Variants in SCGB2B2 observed in about 807,000 individuals in gnomAD.
The protein encoded by SCGB2B2 is secretoglobin-like protein.
Under a neutral mutation model 7.6 loss-of-function variants are expected in SCGB2B2, and 11 were observed. The observed-to-expected ratio is 1.45, with a 90% CI of 0.91 to 2.40. SCGB2B2 has a LOEUF of 2.40. SCGB2B2 is among the 30% of genes most tolerant of loss of function. SCGB2B2 has a pLI of 0.00. For synonymous variants in SCGB2B2, 50 were observed against 48.6 expected (o/e 1.03, Z -0.12); for missense variants, 104 against 115.4 (o/e 0.90, Z 0.45).
At chr19:34,588,496 A>G (rs1191126470), downstream of SCGB2B2, among the ~76,000 whole-genome samples, 11 of 152,138 alleles carry the variant, frequency 7.2e-5, no homozygotes, top group Non-Finnish European at 1.2e-4. Context: ...AATGCTTCTT[A>G]TTGCTATTGA....
At chr19:34,598,487 T>C (rs767197084) in intron 1 of SCGB2B2, among the ~76,000 whole-genome samples, 4 of 151,176 alleles carry the variant, frequency 2.6e-5, no homozygotes, top group Non-Finnish European at 4.4e-5. Context: ...CCCCAGTTGT[T>C]TGAGGAACTT....
chr19:34,600,347 T>G (rs2065589086), intron 1 of SCGB2B2, among the ~76,000 whole-genome samples: 3 of 152,222 alleles, frequency 2.0e-5, no homozygotes, highest in Non-Finnish European at 4.4e-5. Flanking sequence ...AACAACACTG[T>G]AGGGAGCTTT....
intron 1 of SCGB2B2, among the ~76,000 whole-genome samples, chr19:34,597,055 T>C (rs1028227248): frequency 2.0e-5 from 3 of 151,154 alleles, no homozygotes; most frequent in African/African-American, 7.3e-5. Flanking sequence ...TCCCAGTGGC[T>C]GATCTGCATT....
intron 1 of SCGB2B2, among the ~76,000 whole-genome samples, chr19:34,606,047 ATTT>A (rs747523207): frequency 6.0e-5 from 9 of 150,170 alleles, no homozygotes; most frequent in East Asian, 3.9e-4. Context: ...AGTTACTAAA[ATTT>A]TTTTTTTATT....
At chr19:34,599,506 G>A (rs1172905188) in intron 1 of SCGB2B2, among the ~76,000 whole-genome samples, 1 of 152,210 alleles carries the variant, frequency 6.6e-6, no homozygotes, top group Non-Finnish European at 1.5e-5. Flanking sequence ...CAGAATGAGA[G>A]CCAAGCAAGA....
At chr19:34,605,742 C>T (rs1600041875) in intron 1 of SCGB2B2, among the ~76,000 whole-genome samples, 2 of 152,136 alleles carry the variant, frequency 1.3e-5, no homozygotes, top group African/African-American at 4.8e-5. Context: ...CATGCACCAC[C>T]ATGTCTGGCT....
chr19:34,637,760 G>T (rs771478851), intron 1 of SCGB2B2: 11 of 151,942 alleles, frequency 7.2e-5, no homozygotes, highest in African/African-American at 1.2e-4. Flanking sequence ...TGTTTGGTTT[G>T]TCAAACCCGT....
chr19:34,640,364 G>A (rs1308037496), intron 1 of SCGB2B2: 1 of 152,042 alleles, frequency 6.6e-6, no homozygotes, highest in Non-Finnish European at 1.5e-5. Flanking sequence ...TCTCATCTTG[G>A]CCTCCCAAAG....
At chr19:34,617,270 T>C (rs1416305358) in intron 1 of SCGB2B2, among the ~76,000 whole-genome samples, 4 of 148,132 alleles carry the variant, frequency 2.7e-5, no homozygotes, top group African/African-American at 1.0e-4. Flanking sequence ...GTAAATTACC[T>C]TGGGCAGTAT....
intron 1 of SCGB2B2, among the ~76,000 whole-genome samples, chr19:34,658,813 C>CAAAAAA (rs138363297): frequency 5.4e-4 from 55 of 101,874 alleles, no homozygotes; most frequent in African/African-American, 2.0e-3. Flanking sequence ...ACAACAACAA[C>CAAAAAA]AAAAAAAAAA....
intron 1 of SCGB2B2, among the ~76,000 whole-genome samples, chr19:34,633,600 G>A (rs953129278): frequency 6.6e-6 from 1 of 152,142 alleles, no homozygotes; most frequent in Non-Finnish European, 1.5e-5. Flanking sequence ...CAATGTTTGT[G>A]GCAATGGGGT....
intron 1 of SCGB2B2, among the ~76,000 whole-genome samples, chr19:34,606,010 G>GTCAA (rs2065765775): frequency 6.6e-6 from 1 of 151,106 alleles, no homozygotes; most frequent in South Asian, 2.1e-4. Context: ...GTTCTTCTGT[G>GTCAA]TCAATATATT....
In SCGB2B2 at chr19:34,595,142, G is replaced by A. The variant is rs1004130447; in HGVS notation, c.-579C>T. 6.8e-6 allele frequency: 1 copy of A among 146,156 alleles called. No individual in the cohort carries two copies. Among genetic ancestry groups the A allele is most frequent in the Non-Finnish European group, 1.4e-5 (1 of 69,350 alleles). The allele number at this position is 146,156 out of a possible 1,614,324, so 9.1% of individuals were successfully genotyped here. ...TGTAGCAAGTGTGTTAGGGACACAT[G>A]TGACACAGTGAAGGGATCCTACATG... On this transcript the variant is annotated 5_prime_UTR_variant, in exon 2 of 4. Coordinates refer to ENST00000601241, the MANE Select transcript of SCGB2B2 (RefSeq NM_001025591.4).
downstream of SCGB2B2, among the ~76,000 whole-genome samples, chr19:34,587,025 A>T (rs1224896570): frequency 6.6e-6 from 1 of 152,104 alleles, no homozygotes; most frequent in Non-Finnish European, 1.5e-5. Flanking sequence ...CTCCTGTCTC[A>T]GCCTCCCGAG....
chr19:34,612,452 A>G (rs1413059148), intron 1 of SCGB2B2, among the ~76,000 whole-genome samples: 3 of 152,214 alleles, frequency 2.0e-5, no homozygotes, highest in Non-Finnish European at 4.4e-5. Context: ...GGTAAATGGA[A>G]TATCTATCAC....
At chr19:34,644,781 T>G (rs1224599037) in intron 1 of SCGB2B2, among the ~76,000 whole-genome samples, 2 of 152,248 alleles carry the variant, frequency 1.3e-5, no homozygotes, top group Non-Finnish European at 2.9e-5. Context: ...TGACGGACAC[T>G]TAGGACATTT....
intron 1 of SCGB2B2, among the ~76,000 whole-genome samples, chr19:34,627,828 GCAC>G (rs1191520081): frequency 3.3e-5 from 5 of 152,300 alleles, no homozygotes; most frequent in South Asian, 2.1e-4. Context: ...ATTCTTCTCA[GCAC>G]CACATCGCAC....
At chr19:34,615,960 T>C (rs1047859798) in intron 1 of SCGB2B2, among the ~76,000 whole-genome samples, 8 of 151,734 alleles carry the variant, frequency 5.3e-5, no homozygotes, top group African/African-American at 1.7e-4. Context: ...GTTCTTGCAA[T>C]AGTTTACTGA....
intron 1 of SCGB2B2, among the ~76,000 whole-genome samples, chr19:34,625,475 C>T (rs1306389403): frequency 2.6e-5 from 4 of 152,212 alleles, no homozygotes; most frequent in African/African-American, 9.7e-5. Context: ...AGATTATATC[C>T]CATGCATGGC....
Sources: allele counts gnomAD v4.1 joint callset (sites outside exome capture counted in the v4.1 genomes callset), GRCh38; gene constraint gnomAD v4.1.1; transcripts MANE v1.5; gene names NCBI Gene and HGNC (gene_info 2026-07-23, HGNC 2026-07-21).